Variants in WDR70 observed in about 807,000 individuals in gnomAD.
WDR70 encodes WD repeat domain 70, also known as WD repeat-containing protein 70.
Under a neutral mutation model 88.6 loss-of-function variants are expected in WDR70, and 53 were observed. The ratio of observed to expected loss-of-function variants is 0.60; its 90% confidence interval spans 0.48 to 0.75. The LOEUF (loss-of-function observed/expected upper bound fraction) is 0.75. WDR70 is among the 30% of genes least tolerant of loss of function. The pLI is 0.00. For missense variants in WDR70, 610 were observed against 823.2 expected (o/e 0.74, Z 3.17); for synonymous variants, 280 against 270.0 (o/e 1.04, Z -0.36).
At chr5:37,533,365 G>A (rs1336432255) in intron 9 of WDR70, among the ~76,000 whole-genome samples, 1 of 152,098 alleles carries the variant, frequency 6.6e-6, no homozygotes, top group Admixed American at 6.5e-5. Flanking sequence ...GCCGAGATGG[G>A]CGTATCACTT....
rs57109943 is a variant in WDR70, at chr5:37,485,858, A to ATTTTTTTTTTT, written c.840+5889_840+5899dup. ...AGGCATGCGCCACCATGCCTGGCTA[A>ATTTTTTTTTTT]TTTTTTTTTTTTTTTTTTTTTTTTT... On this transcript the variant is annotated intron_variant, in intron 8 of 17. Coordinates refer to ENST00000265107, the MANE Select transcript of WDR70 (RefSeq NM_018034.4). Among the ~76,000 whole-genome samples, 43 of 108,276 alleles carry ATTTTTTTTTTT rather than the reference A, an allele frequency of 4.0e-4. 1 individual carries two copies. Among genetic ancestry groups the ATTTTTTTTTTT allele is most frequent in the African/African-American group, 6.3e-4 (16 of 25,366 alleles). 71.0% of individuals were successfully genotyped at this position (108,276 alleles called of 152,430 possible).
intron 5 of WDR70, among the ~76,000 whole-genome samples, chr5:37,429,278 T>C (rs905672325): frequency 1.3e-5 from 2 of 152,242 alleles, no homozygotes; most frequent in African/African-American, 4.8e-5. Flanking sequence ...ATAAATGTAT[T>C]GTAAATATCT....
chr5:37,496,723 G>A (rs896563536), intron 8 of WDR70, among the ~76,000 whole-genome samples: 2 of 152,208 alleles, frequency 1.3e-5, no homozygotes, highest in Non-Finnish European at 2.9e-5. Flanking sequence ...TGAGTTGTTG[G>A]GTTGCTGTTT....
rs528145382 is a variant in WDR70, at chr5:37,403,967, T to C, written c.492+7397T>C. 2.0e-5 allele frequency among the ~76,000 whole-genome samples: 3 copies of C among 152,238 alleles called. No individual in the cohort carries two copies. The East Asian group carries it at 5.8e-4, about 29-fold the overall frequency. On this transcript the variant is annotated intron_variant, in intron 5 of 17. Coordinates refer to ENST00000265107, the MANE Select transcript of WDR70 (RefSeq NM_018034.4). ...CTCTTGTCTGTGTGGCCTTGAACTC[T>C]TGGCCTCAAGTGATCCTTCCACTTC...
At chr5:37,446,968 C>T (rs1738502787) in intron 7 of WDR70, among the ~76,000 whole-genome samples, 1 of 152,140 alleles carries the variant, frequency 6.6e-6, no homozygotes. Flanking sequence ...AGAGCTTCTG[C>T]ACAGCAAAAG....
chr5:37,457,135 G>A (rs745946309), intron 7 of WDR70, among the ~76,000 whole-genome samples: 31 of 152,106 alleles, frequency 2.0e-4, no homozygotes, highest in Admixed American at 4.6e-4. Context: ...TTGCTCTGTC[G>A]CCTGGGCTGG....
intron 10 of WDR70, among the ~76,000 whole-genome samples, chr5:37,613,915 T>C (rs1342479135): frequency 6.6e-6 from 1 of 152,218 alleles, no homozygotes; most frequent in African/African-American, 2.4e-5. Flanking sequence ...CTCAAGAGTC[T>C]ATACTGAGAG....
At chr5:37,561,332 G>A (rs1461353797) in intron 9 of WDR70, among the ~76,000 whole-genome samples, 2 of 151,854 alleles carry the variant, frequency 1.3e-5, no homozygotes, top group East Asian at 3.9e-4. Context: ...GAAAACCGAG[G>A]GATAAGATTA....
chr5:37,532,595 T>C (rs539112921), intron 9 of WDR70, among the ~76,000 whole-genome samples: 4 of 152,206 alleles, frequency 2.6e-5, no homozygotes, highest in African/African-American at 9.6e-5. Flanking sequence ...AGTGTGTCCT[T>C]GACTTCCAGA....
chr5:37,699,511 A>G (rs1375489586), intron 11 of WDR70, among the ~76,000 whole-genome samples: 1 of 152,086 alleles, frequency 6.6e-6, no homozygotes, highest in Non-Finnish European at 1.5e-5. Context: ...AATATGGCAG[A>G]TGGAAGTCTA....
At chr5:37,387,054 G>T (rs1468892122) in intron 3 of WDR70, among the ~76,000 whole-genome samples, 1 of 151,352 alleles carries the variant, frequency 6.6e-6, no homozygotes, top group Non-Finnish European at 1.5e-5. Context: ...AGCCTAGATC[G>T]TGCCATTGCA....
At chr5:37,609,869 A>T (rs1164168933) in intron 10 of WDR70, among the ~76,000 whole-genome samples, 1 of 152,268 alleles carries the variant, frequency 6.6e-6, no homozygotes, top group African/African-American at 2.4e-5. Flanking sequence ...TAAGACAACA[A>T]ATATGAAGAA....
rs566745857 is a variant in WDR70 at position 37,397,868 on chromosome 5, C to T, written c.492+1298C>T. ...ATTAGCCAGGCGTAATCGTGGCGCACGCCTGTAGTCGCAGCTACTCGGGAG... is the reference window on the plus strand; with the variant it reads ...ATTAGCCAGGCGTAATCGTGGCGCATGCCTGTAGTCGCAGCTACTCGGGAG... On this transcript the variant is annotated intron_variant, in intron 5 of 17. Transcript: ENST00000265107. 4.6e-5 allele frequency among the ~76,000 whole-genome samples: 7 copies of T among 151,802 alleles called. No individual in the cohort carries two copies. In the East Asian group the frequency reaches 7.9e-4, roughly 17 times the overall value.
chr5:37,711,498 C>G (rs999802027), intron 13 of WDR70, among the ~76,000 whole-genome samples: 2 of 152,202 alleles, frequency 1.3e-5, no homozygotes, highest in Non-Finnish European at 2.9e-5. Flanking sequence ...ATCCTTTGCT[C>G]TGGTCCTCAT....
chr5:37,702,092 A>G (rs1345241490), intron 12 of WDR70, among the ~76,000 whole-genome samples: 1 of 152,208 alleles, frequency 6.6e-6, no homozygotes, highest in Admixed American at 6.5e-5. Flanking sequence ...AATGGTCAAC[A>G]GAGAAGAGCA....
intron 9 of WDR70, among the ~76,000 whole-genome samples, chr5:37,598,720 G>A (rs1743772940): frequency 6.6e-6 from 1 of 152,196 alleles, no homozygotes; most frequent in Non-Finnish European, 1.5e-5. Flanking sequence ...TAGGCCATTA[G>A]ATATCTGTCA....
At chr5:37,657,180 A>G (rs1188713063) in intron 10 of WDR70, among the ~76,000 whole-genome samples, 1 of 152,124 alleles carries the variant, frequency 6.6e-6, no homozygotes, top group Non-Finnish European at 1.5e-5. Flanking sequence ...TGGGAAAAGC[A>G]TAGTATCTGG....
chr5:37,691,720 G>A (rs560088240), intron 10 of WDR70, among the ~76,000 whole-genome samples: 1 of 152,260 alleles, frequency 6.6e-6, no homozygotes, highest in South Asian at 2.1e-4. Flanking sequence ...AGTGTGTAAA[G>A]GGAAATTTAT....
At chr5:37,593,719 C>T (rs552233667) in intron 9 of WDR70, among the ~76,000 whole-genome samples, 255 of 152,282 alleles carry the variant, frequency 1.7e-3, no homozygotes, top group Admixed American at 2.9e-3. Context: ...CTTGAGGAAT[C>T]GCCACACTGT....
Sources: gnomAD v4.1 joint callset for allele counts (sites outside exome capture counted in the v4.1 genomes callset) on GRCh38, gnomAD v4.1.1 for gene constraint, MANE v1.5 for transcripts, NCBI Gene and HGNC (gene_info 2026-07-23, HGNC 2026-07-21) for gene names.